The following TNS1 variants were observed in gnomAD, a reference collection of about 807,000 sequenced individuals.
TNS1 encodes tensin 1.
In TNS1, 62 loss-of-function variants were observed where a neutral mutation model predicts 168.6. That is an observed-to-expected ratio of 0.37 (90% CI 0.30 to 0.45). TNS1 has a LOEUF of 0.45. Ranked by LOEUF, TNS1 falls within the 20% of genes least tolerant of loss-of-function variation. The pLI, the probability that TNS1 is intolerant of heterozygous loss-of-function variation, is 1.00. For missense variants in TNS1, 2,240 were observed against 2,339.4 expected (o/e 0.96, Z 0.88); for synonymous variants, 934 against 933.2 (o/e 1.00, Z -0.02).
At chr2:217,850,140 C>A (rs188559591) in intron 18 of TNS1, 179 of 985,378 alleles carry the variant, frequency 1.8e-4, no homozygotes, top group Non-Finnish European at 2.0e-4. Flanking sequence ...GGAAGGTATG[C>A]CGGGCAGGAT....
chr2:217,860,943 C>T (rs926071422), intron 18 of TNS1, among the ~76,000 whole-genome samples: 10 of 152,134 alleles, frequency 6.6e-5, no homozygotes, highest in African/African-American at 1.7e-4. Flanking sequence ...TACTAGAAAG[C>T]CCCCAGGGAG....
chr2:217,892,732 C>A (rs1264942924), intron 11 of TNS1, among the ~76,000 whole-genome samples: 1 of 152,178 alleles, frequency 6.6e-6, no homozygotes, highest in African/African-American at 2.4e-5. Context: ...GCTGCCCCAC[C>A]AGAACCCCTG....
At chr2:217,947,274 C>T (rs936535965) in intron 3 of TNS1, among the ~76,000 whole-genome samples, 5 of 151,720 alleles carry the variant, frequency 3.3e-5, no homozygotes, top group East Asian at 1.9e-4. Context: ...CCTTGGAGCC[C>T]GATGGAACTT....
intron 18 of TNS1, among the ~76,000 whole-genome samples, chr2:217,874,658 G>T (rs1292763420): frequency 6.6e-6 from 1 of 152,150 alleles, no homozygotes; most frequent in African/African-American, 2.4e-5. Context: ...AGAAGAGAGG[G>T]CTAAAATCAT....
At position 217,804,564 on chromosome 2, in the gene TNS1, C is replaced by T. The variant is rs372600494; in HGVS notation, c.5415G>A (p.Thr1805=). 341 of 1,614,146 alleles carry T rather than the reference C, an allele frequency of 2.1e-4. 3 individuals are homozygous for T. The South Asian group carries it at 3.4e-3, about 16-fold the overall frequency. ...CAGCAAAGAGGTGGCAGGCGTTGTCCGTGGTGCTGCCCTGCTTCCGGGCCA... is the reference window on the plus strand; with the variant it reads ...CAGCAAAGAGGTGGCAGGCGTTGTCTGTGGTGCTGCCCTGCTTCCGGGCCA... The part of the protein sequence containing the change: ...GFVARKQGST[T]DNACHLFAEL... Residue 1805 remains threonine, a synonymous_variant, in exon 33 of 33, where the codon ACG becomes ACA. Coordinates refer to ENST00000682258, the MANE Select transcript of TNS1 (RefSeq NM_001387777.1).
In TNS1 at chr2:217,848,890, T is replaced by C. The variant is rs76235817; in HGVS notation, c.1627A>G (p.Thr543Ala). 1.9e-6 allele frequency: 3 copies of C among 1,613,870 alleles called. No homozygotes were observed. The highest frequency in any genetic ancestry group is 2.2e-5 in the South Asian group (2 of 91,032). Residue 543 changes from threonine to alanine, a missense_variant, in exon 19 of 33, where the codon ACC (threonine) becomes GCC (alanine). This residue lies in a region of TNS1 where 2,131 missense variants were observed against 2,171.2 expected (regional missense o/e 0.98). Transcript: ENST00000682258. ...NSTASTKTDK[T>A]DEPVPGASSA... ...GAGGCCCCGGGGACAGGCTCGTCGG[T>C]CTTGTCGGTCTTGGTGGAGGCTGTG...
upstream of TNS1, among the ~76,000 whole-genome samples, chr2:218,007,530 C>T (rs1303054080): frequency 7.7e-6 from 1 of 130,438 alleles, no homozygotes; most frequent in African/African-American, 3.0e-5. Context: ...ACTGTTCTCT[C>T]CACTCGCCTA....
chr2:217,951,086 A>G (rs1162122766), intron 3 of TNS1, among the ~76,000 whole-genome samples: 2 of 152,192 alleles, frequency 1.3e-5, no homozygotes, highest in African/African-American at 4.8e-5. Flanking sequence ...ATGGGGAGCT[A>G]TCCCTCCAGG....
intron 17 of TNS1, chr2:217,881,613 T>G (rs1021888998): frequency 6.5e-6 from 1 of 153,024 alleles, no homozygotes; most frequent in Non-Finnish European, 1.5e-5. Flanking sequence ...AAATACCTAA[T>G]GCATGCAGAG....
chr2:218,010,981 A>G (rs1163432917), upstream of TNS1, among the ~76,000 whole-genome samples: 1 of 151,856 alleles, frequency 6.6e-6, no homozygotes, highest in Non-Finnish European at 1.5e-5. Flanking sequence ...ATCTCTCTCT[A>G]TCCCACTCAG....
rs1274478864 is a variant in TNS1 at position 217,836,104 on chromosome 2, G to T, written c.3115C>A (p.Arg1039Ser). ...ACAGGGGAGCGAACCCCAGGGCTAC[G>T]AGGGGATGTGGCTTCTGGAGACTGG... is the stretch of plus-strand genomic sequence containing the variant. ...ENQSPEATSP[R>S]SPGVRSPVQC... Residue 1039 changes from arginine to serine, a missense_variant, in exon 20 of 33, where the codon CGT becomes AGT. Coordinates refer to ENST00000682258, the MANE Select transcript of TNS1 (RefSeq NM_001387777.1). 9.3e-6 allele frequency: 15 copies of T among 1,614,072 alleles called. No individual in the cohort carries two copies. The highest frequency in any genetic ancestry group is 1.3e-5 in the Non-Finnish European group (15 of 1,179,982).
chr2:218,000,950 G>A (rs374443005), intron 1 of TNS1, among the ~76,000 whole-genome samples: 2 of 152,128 alleles, frequency 1.3e-5, no homozygotes, highest in Non-Finnish European at 1.5e-5. Flanking sequence ...TCAGGAGTTC[G>A]AGGCCAGCCT....
intron 3 of TNS1, among the ~76,000 whole-genome samples, chr2:217,944,832 T>C (rs1957063411): frequency 6.6e-6 from 1 of 152,208 alleles, no homozygotes; most frequent in Non-Finnish European, 1.5e-5. Flanking sequence ...TGTACATGCA[T>C]GAAGTTTTCC....
At chr2:217,988,375 TG>T (rs1420530146) in intron 2 of TNS1, among the ~76,000 whole-genome samples, 5 of 152,090 alleles carry the variant, frequency 3.3e-5, no homozygotes, top group African/African-American at 1.2e-4. Context: ...CCTAGAGCCA[TG>T]GAATGTGAGG....
intron 22 of TNS1, among the ~76,000 whole-genome samples, chr2:217,823,613 C>T (rs903046573): frequency 6.6e-6 from 1 of 152,136 alleles, no homozygotes; most frequent in Non-Finnish European, 1.5e-5. Context: ...AGCACAGGAC[C>T]CTTTACAGAG....
At chr2:217,882,938 G>T (rs1449892482) in intron 16 of TNS1, among the ~76,000 whole-genome samples, 1 of 152,152 alleles carries the variant, frequency 6.6e-6, no homozygotes, top group African/African-American at 2.4e-5. Context: ...TGGGACTACA[G>T]GTGCAAGCCA....
chr2:217,834,511 C>G (rs2571446), intron 21 of TNS1, among the ~76,000 whole-genome samples: 1 of 152,136 alleles, frequency 6.6e-6, no homozygotes, highest in South Asian at 2.1e-4. Context: ...GGGTCTTGGC[C>G]TTAGGTGGAT....
At chr2:217,926,184 TC>T (rs2125883441) in intron 3 of TNS1, among the ~76,000 whole-genome samples, 1 of 152,278 alleles carries the variant, frequency 6.6e-6, no homozygotes, top group South Asian at 2.1e-4. Flanking sequence ...CCAACACTGC[TC>T]ATACCTTGAT....
chr2:217,919,611 G>T (rs973077597), intron 4 of TNS1, among the ~76,000 whole-genome samples: 21 of 152,226 alleles, frequency 1.4e-4, no homozygotes, highest in Non-Finnish European at 2.9e-4. Context: ...GCATCAGGGT[G>T]GAGCAGGGCC....
Sources: allele counts gnomAD v4.1 joint callset (sites outside exome capture counted in the v4.1 genomes callset), GRCh38; gene constraint gnomAD v4.1.1; regional missense constraint gnomAD v4.1.1; transcripts MANE v1.5; gene names NCBI Gene and HGNC (gene_info 2026-07-23, HGNC 2026-07-21).